The following TRPC3 variants were observed in gnomAD, a reference collection of about 807,000 sequenced individuals.
TRPC3 encodes the protein transient receptor potential cation channel subfamily C member 3, also known as short transient receptor potential channel 3.
Under a neutral mutation model 90.9 loss-of-function variants are expected in TRPC3, and 54 were observed. That is an observed-to-expected ratio of 0.59 (90% CI 0.48 to 0.75). TRPC3 has a LOEUF of 0.75. Ranked by LOEUF, TRPC3 falls within the 30% of genes least tolerant of loss-of-function variation. The pLI, the probability that TRPC3 is intolerant of heterozygous loss-of-function variation, is 0.00. For missense variants in TRPC3, 918 were observed against 1,194.5 expected (o/e 0.77, Z 3.41); for synonymous variants, 424 against 450.9 (o/e 0.94, Z 0.75).
In TRPC3 at chr4:121,877,486, C is replaced by T. The variant is rs561038241; in HGVS notation, c.*2250G>A. Among the ~76,000 whole-genome samples the T allele has an allele frequency of 1.1e-3, 160 of 152,220 alleles. No individual in the cohort carries two copies. Among genetic ancestry groups the T allele is most frequent in the African/African-American group, 2.7e-3 (112 of 41,534 alleles). ...ATGGGGAGGCGGAGGCATCACATCCCGAGCAAGGCTTCTTCTTTTTAGCTG... is the reference window on the plus strand; with the variant it reads ...ATGGGGAGGCGGAGGCATCACATCCTGAGCAAGGCTTCTTCTTTTTAGCTG... On this transcript the variant is annotated 3_prime_UTR_variant, in exon 12 of 12. Transcript: ENST00000379645.
intron 3 of TRPC3, among the ~76,000 whole-genome samples, chr4:121,917,189 A>G (rs1729349273): frequency 6.6e-6 from 1 of 152,178 alleles, no homozygotes; most frequent in African/African-American, 2.4e-5. Flanking sequence ...CTTCTCTCCA[A>G]ACCCAGGATT....
At chr4:121,921,586 T>C (rs1167020990) in intron 3 of TRPC3, among the ~76,000 whole-genome samples, 4 of 151,178 alleles carry the variant, frequency 2.6e-5, no homozygotes, top group African/African-American at 9.7e-5. Context: ...GGCTTACAAT[T>C]AGATAAGAAT....
chr4:121,886,475 G>T (rs550666308), intron 10 of TRPC3, among the ~76,000 whole-genome samples: 1 of 152,132 alleles, frequency 6.6e-6, no homozygotes, highest in African/African-American at 2.4e-5. Flanking sequence ...CTTTGTGAAA[G>T]ATTACCATTA....
chr4:121,903,155 G>T, intron 8 of TRPC3, 94 bp from the exon 9 acceptor site: 1 of 1,125,836 alleles, frequency 8.9e-7, no homozygotes, highest in Non-Finnish European at 1.2e-6. Context: ...TCTAAGTTAC[G>T]TTTTTGAAAT....
At chr4:121,919,327 A>G (rs1729423887) in intron 3 of TRPC3, among the ~76,000 whole-genome samples, 1 of 152,186 alleles carries the variant, frequency 6.6e-6, no homozygotes, top group Admixed American at 6.5e-5. Context: ...GGAACTCTGG[A>G]TTTGTTTTTA....
At chr4:121,904,633 T>C in intron 7 of TRPC3, 116 bp from the exon 8 acceptor site, 1 of 612,636 alleles carries the variant, frequency 1.6e-6, no homozygotes, top group African/African-American at 1.9e-5. Context: ...GCCACCATAA[T>C]ATACTCCAAG....
intron 1 of TRPC3, among the ~76,000 whole-genome samples, chr4:121,940,757 T>C (rs1051340424): frequency 1.1e-4 from 17 of 152,222 alleles, no homozygotes; most frequent in African/African-American, 3.6e-4. Context: ...CTCATAAATA[T>C]AGACACTTAA....
chr4:121,921,929 T>A (rs886410829), intron 3 of TRPC3, among the ~76,000 whole-genome samples: 1 of 149,586 alleles, frequency 6.7e-6, no homozygotes, highest in African/African-American at 2.5e-5. Flanking sequence ...GTTTTTTTTT[T>A]TTTTTTCGAG....
chr4:121,916,253 G>T (rs1729313233), intron 3 of TRPC3, among the ~76,000 whole-genome samples: 1 of 152,032 alleles, frequency 6.6e-6, no homozygotes, highest in Non-Finnish European at 1.5e-5. Context: ...AATTAAAAAA[G>T]AAAGTCTCAT....
At chr4:121,935,416 T>TGG (rs1359316164) in intron 1 of TRPC3, among the ~76,000 whole-genome samples, 2,432 of 119,050 alleles carry the variant, frequency 0.02, 64 homozygotes, top group African/African-American at 0.075. Context: ...GGGACATGTG[T>TGG]GGGGTGTGTG....
At position 121,912,036 on chromosome 4, in the gene TRPC3, T is replaced by C. The variant is rs146171474; in HGVS notation, c.1399A>G (p.Ile467Val). 21 of 1,613,750 alleles carry C rather than the reference T, an allele frequency of 1.3e-5. No individual in the cohort carries two copies. The African/African-American group carries it at 2.1e-4, about 16-fold the overall frequency. ...AACACAAGCAGACCCAGGAAGATGA[T>C]GAAAGAAGCTGCATGTGCTACAAAC... ...MKFVAHAASF[I>V]IFLGLLVFNA... The change falls in exon 5 of 12, where the codon ATC becomes GTC. Residue 467 changes from isoleucine to valine, a missense_variant. Physicochemically the swap from Ile to Val is conservative, Grantham distance 29 (BLOSUM62 3). Transcript: ENST00000379645.
intron 1 of TRPC3, 132 bp from the exon 2 acceptor site, chr4:121,933,174 G>T (rs1730014567): frequency 3.6e-6 from 5 of 1,373,774 alleles, no homozygotes; most frequent in African/African-American, 2.9e-5. Context: ...TCAGTTGCTA[G>T]CGATACCGTT....
At chr4:121,890,762 T>C (rs889297777) in intron 10 of TRPC3, among the ~76,000 whole-genome samples, 57 of 151,626 alleles carry the variant, frequency 3.8e-4, no homozygotes, top group Non-Finnish European at 6.0e-4. Context: ...GAGGCCGAGA[T>C]GGGTGGATCA....
At chr4:121,946,133 C>A (rs977917684) in intron 1 of TRPC3, among the ~76,000 whole-genome samples, 26 of 152,030 alleles carry the variant, frequency 1.7e-4, no homozygotes, top group African/African-American at 6.0e-4. Flanking sequence ...CCAGAAAAAG[C>A]AAAGAATAAA....
chr4:121,922,787 G>A (rs1729569567), intron 3 of TRPC3, among the ~76,000 whole-genome samples: 1 of 152,160 alleles, frequency 6.6e-6, no homozygotes, highest in Non-Finnish European at 1.5e-5. Flanking sequence ...TATCAATCTT[G>A]CTCAAAACTA....
rs895729248 is a variant in TRPC3, at chr4:121,882,271, T to A, written c.2623+83A>T. On this transcript the variant is annotated intron_variant, in intron 11 of 11. Transcript: ENST00000379645. ...TCCAAACTATAACCTGGGATTGGATTTTTAAAATATGCCTCAACATTAAGT... is the reference window on the plus strand; with the variant it reads ...TCCAAACTATAACCTGGGATTGGATATTTAAAATATGCCTCAACATTAAGT... 24 of 1,293,252 alleles carry A rather than the reference T, an allele frequency of 1.9e-5. No individual in the cohort carries two copies. In the Middle Eastern group the frequency reaches 1.4e-3, roughly 73 times the overall value. 80.1% of individuals were successfully genotyped at this position (1,293,252 alleles called of 1,614,324 possible). A position where few individuals can be genotyped will look rare whatever the true frequency, so the allele number is the denominator to read the frequency against.
At position 121,910,142 on chromosome 4, in the gene TRPC3, C is replaced by A. The variant is rs1347505374; in HGVS notation, c.1792+12G>T. 1 of 1,610,778 alleles carries A rather than the reference C, an allele frequency of 6.2e-7. No homozygotes were observed. Among genetic ancestry groups the A allele is most frequent in the Non-Finnish European group, 8.5e-7 (1 of 1,177,328 alleles). On this transcript the variant is annotated intron_variant, in intron 6 of 11. Transcript: ENST00000379645. ...CCCAAAACACAAGGGGACCCTGAAGCTAACAACTTACCATAAGTGAAATAC... is the reference window on the plus strand; with the variant it reads ...CCCAAAACACAAGGGGACCCTGAAGATAACAACTTACCATAAGTGAAATAC...
At chr4:121,895,690 G>A (rs1169200186) in intron 10 of TRPC3, among the ~76,000 whole-genome samples, 4 of 151,946 alleles carry the variant, frequency 2.6e-5, no homozygotes, top group Non-Finnish European at 5.9e-5. Flanking sequence ...TTAAATGAGT[G>A]CATAAAACAT....
At chr4:121,918,122 C>CA in intron 3 of TRPC3, among the ~76,000 whole-genome samples, 1 of 152,284 alleles carries the variant, frequency 6.6e-6, no homozygotes, top group East Asian at 1.9e-4. Context: ...AAAAAGACTT[C>CA]ATGCAGCATT....
Sources: gnomAD v4.1 joint callset for allele counts (sites outside exome capture counted in the v4.1 genomes callset) on GRCh38, gnomAD v4.1.1 for gene constraint, MANE v1.5 for transcripts, NCBI Gene and HGNC (gene_info 2026-07-23, HGNC 2026-07-21) for gene names.